CSMD1: variants seen among roughly 807,000 people sequenced by gnomAD.
CSMD1 encodes CUB and Sushi multiple domains 1, also known as CUB and sushi domain-containing protein 1.
CSMD1 carries 213 observed loss-of-function variants against 417.5 expected under a neutral mutation model. That is an observed-to-expected ratio of 0.51 (90% confidence interval 0.46 to 0.57). The LOEUF is 0.57. CSMD1 is among the 20% of genes least tolerant of loss of function. The pLI is 0.00. For missense variants in CSMD1, 6,923 were observed against 4,529.7 expected, an observed-to-expected ratio of 1.53 and a Z score of -15.17; for synonymous variants, 2,862 against 1,736.8, an observed-to-expected ratio of 1.65 and a Z score of -16.11.
chr8:4,043,042 G>A (rs1797973430), intron 3 of CSMD1, among the ~76,000 whole-genome samples: 2 of 151,938 alleles, frequency 1.3e-5, no homozygotes, highest in Admixed American at 6.6e-5. Context: ...TGAAGCAGGA[G>A]AATCACTTGA....
rs141726183 is a variant in CSMD1, at chr8:3,008,699, G to A, written c.8030-8568C>T. On this transcript the variant is annotated intron_variant, in intron 52 of 69. Transcript: ENST00000635120. ...TGTGTTTTAGAGGAGGAATCTTACT[G>A]GCAGACAGGATTTGGCTTTGTTTAG... Among the ~76,000 whole-genome samples the A allele has an allele frequency of 3.0e-4, 45 of 152,260 alleles. 2 individuals are homozygous for A. The East Asian group carries it at 7.9e-3, about 27-fold the overall frequency.
In CSMD1 at chr8:3,933,722, C is replaced by A. The variant is rs559139846; in HGVS notation, c.818+64181G>T. On this transcript the variant is annotated intron_variant, in intron 5 of 69. Transcript: ENST00000635120. ...CTCCTTTTGTATGCAAAATTACGTT[C>A]AAAAATCCTAAAGGAGAAATGAGGT... 3.9e-5 allele frequency among the ~76,000 whole-genome samples: 6 copies of A among 152,186 alleles called. No homozygotes were observed. The East Asian group carries it at 7.7e-4, about 20-fold the overall frequency.
At chr8:4,269,908 G>C (rs930538265) in intron 3 of CSMD1, among the ~76,000 whole-genome samples, 9 of 152,148 alleles carry the variant, frequency 5.9e-5, no homozygotes, top group African/African-American at 2.2e-4. Context: ...TTCCATTACA[G>C]ATGGAGGAAG....
intron 1 of CSMD1, among the ~76,000 whole-genome samples, chr8:4,847,160 C>T (rs1173262720): frequency 1.3e-5 from 2 of 152,128 alleles, no homozygotes; most frequent in Non-Finnish European, 1.5e-5. Context: ...GCCACTCTCT[C>T]GTAAGTCACT....
intron 3 of CSMD1, among the ~76,000 whole-genome samples, chr8:4,344,359 T>C (rs958088585): frequency 4.6e-5 from 7 of 152,044 alleles, no homozygotes; most frequent in African/African-American, 1.4e-4. Context: ...TGGTACATTA[T>C]TTTTCATACT....
intron 26 of CSMD1, among the ~76,000 whole-genome samples, chr8:3,252,856 G>A (rs1266127730): frequency 6.6e-6 from 1 of 152,156 alleles, no homozygotes; most frequent in Non-Finnish European, 1.5e-5. Flanking sequence ...GCATAGAGGT[G>A]TTTATAGTAT....
intron 10 of CSMD1, among the ~76,000 whole-genome samples, chr8:3,553,589 T>G (rs988760341): frequency 5.3e-5 from 8 of 152,310 alleles, no homozygotes; most frequent in African/African-American, 1.9e-4. Flanking sequence ...TATCAGAACA[T>G]AAACCATAAC....
chr8:4,917,834 G>A (rs566971351), intron 1 of CSMD1, among the ~76,000 whole-genome samples: 93 of 147,378 alleles, frequency 6.3e-4, no homozygotes, highest in Middle Eastern at 6.8e-3. Flanking sequence ...GGTTCAGATG[G>A]AGGAGGAGAT....
At position 4,172,736 on chromosome 8, in the gene CSMD1, TA is replaced by T. The variant is rs567949685; in HGVS notation, c.416-140638del. Among the ~76,000 whole-genome samples, 187 of 152,286 alleles carry T rather than the reference TA, an allele frequency of 1.2e-3. 1 individual carries two copies. The highest frequency in any genetic ancestry group is 4.3e-3 in the African/African-American group (180 of 41,532). On this transcript the variant is annotated intron_variant, in intron 3 of 69. Transcript: ENST00000635120. ...CAGGATATCACTTGACATTAGGTTG[TA>T]AAAAGACTGTGGCTTCCACCTCTTT...
At chr8:4,135,938 T>C (rs2130997137) in intron 3 of CSMD1, among the ~76,000 whole-genome samples, 1 of 152,318 alleles carries the variant, frequency 6.6e-6, no homozygotes, top group South Asian at 2.1e-4. Context: ...TGGATTGGGC[T>C]TTCTAAACTA....
intron 5 of CSMD1, among the ~76,000 whole-genome samples, chr8:3,851,002 ATATC>A (rs1358653625): frequency 1.3e-5 from 2 of 152,234 alleles, no homozygotes; most frequent in Non-Finnish European, 2.9e-5. Context: ...GCTTAGATAA[ATATC>A]TATGTGTTTT....
intron 1 of CSMD1, among the ~76,000 whole-genome samples, chr8:4,841,231 C>A (rs147086918): frequency 6.6e-6 from 1 of 152,200 alleles, no homozygotes; most frequent in South Asian, 2.1e-4. Context: ...AAAAGGGAAA[C>A]AAGTGCAATG....
At chr8:4,737,559 G>A (rs193285599) in intron 1 of CSMD1, among the ~76,000 whole-genome samples, 69 of 151,988 alleles carry the variant, frequency 4.5e-4, no homozygotes, top group Non-Finnish European at 8.2e-4. Context: ...TTATAGACAC[G>A]GAAGTTATTG....
chr8:4,098,227 T>C (rs777068988), intron 3 of CSMD1, among the ~76,000 whole-genome samples: 2 of 152,156 alleles, frequency 1.3e-5, no homozygotes, highest in African/African-American at 4.8e-5. Context: ...TTGAATAGAA[T>C]CTAATTATAT....
At chr8:4,320,354 A>C (rs187376127) in intron 3 of CSMD1, among the ~76,000 whole-genome samples, 1 of 152,190 alleles carries the variant, frequency 6.6e-6, no homozygotes, top group African/African-American at 2.4e-5. Flanking sequence ...TCACACAAAT[A>C]AACCTTTTTT....
chr8:3,296,201 A>T (rs372592203), intron 25 of CSMD1, among the ~76,000 whole-genome samples: 1 of 152,050 alleles, frequency 6.6e-6, no homozygotes, highest in Middle Eastern at 3.2e-3. Context: ...AGGCTAAGCC[A>T]TCTTGGCAGA....
chr8:4,013,516 C>T (rs1258137458), intron 4 of CSMD1, among the ~76,000 whole-genome samples: 1 of 152,142 alleles, frequency 6.6e-6, no homozygotes, highest in African/African-American at 2.4e-5. Context: ...AGTGACCAGG[C>T]AGATGGTCAC....
chr8:3,580,202 T>C (rs1800324381), intron 9 of CSMD1, among the ~76,000 whole-genome samples: 1 of 152,128 alleles, frequency 6.6e-6, no homozygotes, highest in Admixed American at 6.6e-5. Flanking sequence ...CAAAACTAAG[T>C]TTCTTGCCTT....
intron 23 of CSMD1, among the ~76,000 whole-genome samples, chr8:3,332,866 C>G (rs1025292172): frequency 3.3e-5 from 5 of 152,172 alleles, no homozygotes; most frequent in African/African-American, 1.2e-4. Context: ...CAGTCTGTGA[C>G]TTGAGCTGAC....
Sources: gnomAD v4.1 joint callset for allele counts (sites outside exome capture counted in the v4.1 genomes callset) on GRCh38, gnomAD v4.1.1 for gene constraint, MANE v1.5 for transcripts, NCBI Gene and HGNC (gene_info 2026-07-23, HGNC 2026-07-21) for gene names.